The following USP54 variants were observed in gnomAD, a reference collection of about 807,000 sequenced individuals.
USP54 encodes ubiquitin specific peptidase 54, also known as ubiquitin carboxyl-terminal hydrolase 54.
In USP54, 87 loss-of-function variants were observed where a neutral mutation model predicts 170.5. The observed-to-expected ratio is 0.51, with a 90% CI of 0.43 to 0.61. The LOEUF is 0.61. USP54 is among the 20% of genes least tolerant of loss of function. The pLI, the probability that USP54 is intolerant of heterozygous loss-of-function variation, is 0.00. For synonymous variants in USP54, 655 were observed against 742.8 expected, an observed-to-expected ratio of 0.88 and a Z score of 1.92; for missense variants, 1,786 against 2,047.8, an observed-to-expected ratio of 0.87 and a Z score of 2.47.
Position 73,523,672 on chromosome 10 carries a change from C to A in USP54, c.2273G>T (p.Arg758Leu), listed in dbSNP as rs370753309. The A allele has an allele frequency of 2.0e-5, 33 of 1,613,802 alleles. No individual in the cohort carries two copies. Among genetic ancestry groups the A allele is most frequent in the Non-Finnish European group, 2.6e-5 (31 of 1,179,922 alleles). The change falls in exon 17 of 24, where the codon CGA (arginine) becomes CTA (leucine). Residue 758 changes from arginine to leucine, a missense_variant. Physicochemically the swap from Arg to Leu is moderately radical, Grantham distance 102. Transcript: ENST00000687698. ...VARRAQEQEL[R>L]RKREKELEAA... ...CTCTAACTCCTTCTCCCGTTTTCTT[C>A]GAAGTTCCTGTTCCTGCGCCCTCCT...
chr10:73,543,232 G>T, intron 5 of USP54, 101 bp from the exon 6 acceptor site: 1 of 789,614 alleles, frequency 1.3e-6, no homozygotes. Flanking sequence ...CCTTCTGGAA[G>T]GTAGGAATAT....
chr10:73,550,071 G>A (rs1022736680), intron 4 of USP54, among the ~76,000 whole-genome samples: 13 of 152,132 alleles, frequency 8.5e-5, no homozygotes, highest in Non-Finnish European at 8.8e-5. Context: ...TTACAGGTAT[G>A]TGCCACTACA....
chr10:73,509,617 T>TA (rs757858956), intron 20 of USP54, among the ~76,000 whole-genome samples: 7,483 of 140,384 alleles, frequency 0.053, 515 homozygotes, highest in African/African-American at 0.17. Flanking sequence ...TCCGTCTCAT[T>TA]AAAAAAAAAA....
chr10:73,527,864 GACA>G (rs921669755), intron 15 of USP54, among the ~76,000 whole-genome samples: 1 of 138,418 alleles, frequency 7.2e-6, no homozygotes, highest in African/African-American at 2.7e-5. Context: ...AAAAAGCAAC[GACA>G]ACAAAACACT....
intron 12 of USP54, among the ~76,000 whole-genome samples, chr10:73,533,377 A>G (rs2064470695): frequency 6.6e-6 from 1 of 152,130 alleles, no homozygotes; most frequent in African/African-American, 2.4e-5. Context: ...AGATATATTT[A>G]TGGAAAATGT....
In USP54 at chr10:73,561,048, T is replaced by C. The variant is rs561278352; in HGVS notation, c.240+10373A>G. On this transcript the variant is annotated intron_variant, in intron 4 of 23. Coordinates refer to ENST00000687698, the MANE Select transcript of USP54 (RefSeq NM_001391956.1). ...TGAACCCGGGAGGCAGAGGTTGCAG[T>C]GAGCCGAGATCATGCTATTGCACTC... 3.0e-5 allele frequency among the ~76,000 whole-genome samples: 4 copies of C among 135,552 alleles called. No individual in the cohort carries two copies. In the East Asian group the frequency reaches 8.4e-4, roughly 28 times the overall value. The allele number at this position is 135,552 out of a possible 152,430, so 88.9% of individuals were successfully genotyped here.
intron 4 of USP54, among the ~76,000 whole-genome samples, chr10:73,554,112 T>C (rs1452950639): frequency 6.6e-6 from 1 of 152,216 alleles, no homozygotes; most frequent in African/African-American, 2.4e-5. Context: ...TGTTTTTTTC[T>C]CTCTCAGGAT....
chr10:73,551,350 T>C (rs1035669379), intron 4 of USP54, among the ~76,000 whole-genome samples: 9 of 152,318 alleles, frequency 5.9e-5, no homozygotes, highest in African/African-American at 2.2e-4. Flanking sequence ...TAGAAATTTA[T>C]ACACAAGTCC....
intron 1 of USP54, among the ~76,000 whole-genome samples, chr10:73,613,703 C>G (rs533255980): frequency 1.3e-5 from 2 of 151,070 alleles, no homozygotes; most frequent in Admixed American, 6.6e-5. Context: ...CATGGTGAAA[C>G]CCCGTCTCTA....
At chr10:73,548,743 G>A (rs1451956660) in intron 4 of USP54, among the ~76,000 whole-genome samples, 3 of 152,264 alleles carry the variant, frequency 2.0e-5, no homozygotes, top group Admixed American at 6.5e-5. Context: ...GTGGGGGGCT[G>A]AGGGAGGGAT....
At chr10:73,503,716 C>T (rs531470259) in intron 22 of USP54, among the ~76,000 whole-genome samples, 22 of 152,182 alleles carry the variant, frequency 1.4e-4, no homozygotes, top group African/African-American at 4.8e-4. Flanking sequence ...ACTATAAATT[C>T]GGCTGGGTTT....
chr10:73,501,278 C>G (rs1387006228), intron 22 of USP54, among the ~76,000 whole-genome samples: 1 of 152,172 alleles, frequency 6.6e-6, no homozygotes, highest in Non-Finnish European at 1.5e-5. Flanking sequence ...AAGAACTCTA[C>G]CCCATCTTCT....
chr10:73,516,750 T>A lies in USP54; in HGVS notation c.3676A>T (p.Arg1226Trp). 1 of 1,614,176 alleles carries A rather than the reference T, an allele frequency of 6.2e-7. No homozygotes were observed. Among genetic ancestry groups the A allele is most frequent in the African/African-American group, 1.3e-5 (1 of 75,060 alleles). ...TGGTATATGTCTGGCTCTGCCAACC[T>A]GGGCTGTCCTCCGCTAGAAGTTTCA... is the stretch of plus-strand genomic sequence containing the variant. The part of the protein sequence containing the change: ...NGETSSGGQP[R>W]LAEPDIYQEK... The change falls in exon 20 of 24, where the codon AGG becomes TGG. Residue 1226 changes from arginine to tryptophan, a missense_variant. Coordinates refer to ENST00000687698, the MANE Select transcript of USP54 (RefSeq NM_001391956.1).
intron 1 of USP54, among the ~76,000 whole-genome samples, chr10:73,588,524 T>C (rs1255534839): frequency 6.6e-6 from 1 of 152,212 alleles, no homozygotes; most frequent in Non-Finnish European, 1.5e-5. Context: ...GCGCCCAGCC[T>C]GGGAAAAATG....
intron 4 of USP54, among the ~76,000 whole-genome samples, chr10:73,561,128 A>G (rs1418278819): frequency 6.8e-6 from 1 of 146,786 alleles, no homozygotes; most frequent in Non-Finnish European, 1.5e-5. Context: ...AAAAAAAAAA[A>G]GAAATCCAAG....
chr10:73,557,878 C>CTTTT lies in USP54; in HGVS notation c.241-12210_241-12207dup, dbSNP rs765656681. Reference sequence around the variant, plus strand: ...AAGAAGGATTTAAAGAGCTATTATTCTTTTTTTTTTTTTTTTTTTTTTGAG... The same window carrying CTTTT: ...AAGAAGGATTTAAAGAGCTATTATTCTTTTTTTTTTTTTTTTTTTTTTTTTTGAG... On this transcript the variant is annotated intron_variant, in intron 4 of 23. Coordinates refer to ENST00000687698, the MANE Select transcript of USP54 (RefSeq NM_001391956.1). Among the ~76,000 whole-genome samples, 80 of 114,994 alleles carry CTTTT rather than the reference C, an allele frequency of 7.0e-4. 1 individual carries two copies. The highest frequency in any genetic ancestry group is 3.3e-3 in the East Asian group (11 of 3,364). 75.4% of individuals were successfully genotyped at this position (114,994 alleles called of 152,430 possible).
In USP54 at chr10:73,575,204, G is replaced by A. The variant is rs556435599; in HGVS notation, c.147+308C>T. Among the ~76,000 whole-genome samples, 15 of 152,214 alleles carry A rather than the reference G, an allele frequency of 9.9e-5. No individual in the cohort carries two copies. In the South Asian group the frequency reaches 1.2e-3, roughly 13 times the overall value. The stretch of plus-strand genomic sequence containing the variant: ...TGCGCCACTGCACTCCAGCCTGGGC[G>A]ACAGAGCAAGACTCTGTCTGAAAGA... On this transcript the variant is annotated intron_variant, in intron 3 of 23. Transcript: ENST00000687698.
rs529693258 is a variant in USP54, at chr10:73,563,725, C to T, written c.240+7696G>A. On this transcript the variant is annotated intron_variant, in intron 4 of 23. Coordinates refer to ENST00000687698, the MANE Select transcript of USP54 (RefSeq NM_001391956.1). ...GTGCTGGGATTACAGGCGTGAGCCA[C>T]CGCACCCAGCCTTTTATTTATTTTT... 1.3e-4 allele frequency among the ~76,000 whole-genome samples: 20 copies of T among 152,292 alleles called. 1 individual carries two copies. In the East Asian group the frequency reaches 3.5e-3, roughly 26 times the overall value.
chr10:73,606,175 C>CAAAAAAAAAAAAAAAAAA lies in USP54; in HGVS notation c.-18+19374_-18+19391dup, dbSNP rs1178699732. Reference sequence around the variant, plus strand: ...CCTGGGCGACAGAGTGAGGCTGTCTCAAAAAAAAAAAAAAAAAAAAAAAAA... The same window carrying CAAAAAAAAAAAAAAAAAA: ...CCTGGGCGACAGAGTGAGGCTGTCTCAAAAAAAAAAAAAAAAAAAAAAAAAAAAAAAAAAAAAAAAAAA... On this transcript the variant is annotated intron_variant, in intron 1 of 22. Transcript: ENST00000339859. 1.6e-4 allele frequency among the ~76,000 whole-genome samples: 4 copies of CAAAAAAAAAAAAAAAAAA among 25,622 alleles called. 1 individual carries two copies. The highest frequency in any genetic ancestry group is 3.9e-4 in the Non-Finnish European group (4 of 10,164). 16.8% of individuals were successfully genotyped at this position (25,622 alleles called of 152,430 possible).
Sources: allele counts gnomAD v4.1 joint callset (sites outside exome capture counted in the v4.1 genomes callset), GRCh38; gene constraint gnomAD v4.1.1; transcripts MANE v1.5; gene names NCBI Gene and HGNC (gene_info 2026-07-23, HGNC 2026-07-21).